The following BCL11B variants were observed in gnomAD, a reference collection of about 807,000 sequenced individuals.
BCL11B encodes B-cell lymphoma/leukemia 11B.
In BCL11B, 8 loss-of-function variants were observed where a neutral mutation model predicts 49.9. The ratio of observed to expected loss-of-function variants is 0.16; its 90% CI spans 0.09 to 0.29. The LOEUF (loss-of-function observed/expected upper bound fraction) is 0.29. Among genes scored for constraint, BCL11B ranks in the 10% least tolerant of loss-of-function variants. BCL11B has a pLI of 1.00. For synonymous variants in BCL11B, 739 were observed against 637.4 expected (o/e 1.16, Z -2.40); for missense variants, 1,006 against 1,351.0 (o/e 0.74, Z 4.00).
intron 3 of BCL11B, among the ~76,000 whole-genome samples, chr14:99,204,735 CGA>C (rs1887486093): frequency 6.6e-6 from 1 of 152,224 alleles, no homozygotes; most frequent in African/African-American, 2.4e-5. Context: ...CCAGACAGAG[CGA>C]GAGCTCGAGC....
intron 3 of BCL11B, among the ~76,000 whole-genome samples, chr14:99,229,148 A>ATGGG (rs1206712866): frequency 1.3e-5 from 2 of 152,036 alleles, no homozygotes; most frequent in African/African-American, 4.8e-5. Flanking sequence ...GGATGGATGG[A>ATGGG]TGGATGGACG....
rs781745569 is a variant in BCL11B, at chr14:99,175,952, G to C, written c.884C>G (p.Thr295Arg). The C allele has an allele frequency of 1.4e-6, 2 of 1,465,256 alleles. No homozygotes were observed. Among genetic ancestry groups the C allele is most frequent in the Non-Finnish European group, 9.0e-7 (1 of 1,108,746 alleles). 90.8% of individuals were successfully genotyped at this position (1,465,256 alleles called of 1,614,324 possible). A position where few individuals can be genotyped will look rare whatever the true frequency, so the allele number is the denominator to read the frequency against. Residue 295 changes from threonine to arginine, a missense_variant, in exon 4 of 4, where the codon ACG becomes AGG. Around this residue, in one of 6 missense-constraint regions of BCL11B, gnomAD observed 411 missense variants for 542.2 expected, o/e 0.76. Transcript: ENST00000357195. ...DSNPFNLLRMTGPILRDHPGF... is the reference protein window; with the variant it reads ...DSNPFNLLRMRGPILRDHPGF... ...CGGGTGGTCCCGCAGGATGGGGCCC[G>C]TCATGCGCAGCAGGTTGAAGGGGTT...
At chr14:99,177,314 G>A (rs1177399804) in intron 3 of BCL11B, among the ~76,000 whole-genome samples, 1 of 151,838 alleles carries the variant, frequency 6.6e-6, no homozygotes, top group African/African-American at 2.4e-5. Flanking sequence ...CTGGTGACAC[G>A]GGCAGCAAAT....
At chr14:99,238,417 C>A (rs1171089168) in intron 2 of BCL11B, among the ~76,000 whole-genome samples, 1 of 152,188 alleles carries the variant, frequency 6.6e-6, no homozygotes, top group Non-Finnish European at 1.5e-5. Flanking sequence ...CCTCAAGATG[C>A]AGGCAGCTGA....
chr14:99,240,037 G>C (rs777515993), intron 2 of BCL11B, among the ~76,000 whole-genome samples: 2 of 152,192 alleles, frequency 1.3e-5, no homozygotes, highest in Non-Finnish European at 2.9e-5. Context: ...TGGATATGAG[G>C]AATGTAAGCA....
Position 99,257,910 on chromosome 14 carries a change from C to G in BCL11B, c.59-71G>C. On this transcript the variant is annotated intron_variant, in intron 1 of 3. Transcript: ENST00000357195. This position sits in a 1 kb window ranked among gnomAD's most constrained non-coding sequence, Gnocchi z 6.2. ...GGGCTTAGGCGGTCACAGCACCCAA[C>G]TTCCGGTCCACCCCTTCCCCGCCAA... The G allele has an allele frequency of 7.0e-7, 1 of 1,425,502 alleles. No homozygotes were observed. The highest frequency in any genetic ancestry group is 9.2e-7 in the Non-Finnish European group (1 of 1,085,690). 88.3% of individuals were successfully genotyped at this position (1,425,502 alleles called of 1,614,324 possible).
At chr14:99,269,041 G>C (rs928722630) in intron 1 of BCL11B, among the ~76,000 whole-genome samples, 2 of 151,742 alleles carry the variant, frequency 1.3e-5, no homozygotes, top group African/African-American at 2.4e-5. Context: ...AGGAGAAGGA[G>C]AGCCAAAGCA....
chr14:99,254,720 G>C (rs1566831537), intron 2 of BCL11B, among the ~76,000 whole-genome samples: 1 of 152,280 alleles, frequency 6.6e-6, no homozygotes, highest in South Asian at 2.1e-4. Context: ...CAGAAGCCTG[G>C]AGGGACAGCC....
At position 99,229,003 on chromosome 14, in the gene BCL11B, A is replaced by ATGG. The variant is rs1555381657; in HGVS notation, c.640+2341_640+2342insCCA. The stretch of plus-strand genomic sequence containing the variant: ...GGATGGATGGATGGCTACATGGATG[A>ATGG]ATGGATGGATGGATGGATGGATGGA... On this transcript the variant is annotated intron_variant, in intron 3 of 3. Coordinates refer to ENST00000357195, the MANE Select transcript of BCL11B (RefSeq NM_138576.4). 2.1e-3 allele frequency among the ~76,000 whole-genome samples: 223 copies of ATGG among 107,638 alleles called. 1 individual carries two copies. Among genetic ancestry groups the ATGG allele is most frequent in the Middle Eastern group, 5.2e-3 (1 of 194 alleles). 70.6% of individuals were successfully genotyped at this position (107,638 alleles called of 152,430 possible).
intron 2 of BCL11B, among the ~76,000 whole-genome samples, chr14:99,237,243 T>TC (rs1566824444): frequency 6.6e-6 from 1 of 151,910 alleles, no homozygotes. Context: ...TTTCTTTTTT[T>TC]TTTTTTTTAG....
chr14:99,221,828 T>C (rs1436626869), intron 3 of BCL11B, among the ~76,000 whole-genome samples: 1 of 152,140 alleles, frequency 6.6e-6, no homozygotes, highest in African/African-American at 2.4e-5. Context: ...TCGCAGTGAG[T>C]TCCTCTAGGG....
intron 3 of BCL11B, among the ~76,000 whole-genome samples, chr14:99,208,954 G>A (rs759295581): frequency 2.0e-5 from 3 of 152,186 alleles, no homozygotes; most frequent in Admixed American, 6.5e-5. Context: ...CCAAGAAGTG[G>A]GAGAGAGAGG....
At position 99,172,399 on chromosome 14, in the gene BCL11B, A is replaced by ATTT; in HGVS notation, c.*1749_*1751dup. On this transcript the variant is annotated 3_prime_UTR_variant, in exon 4 of 4. Transcript: ENST00000357195. ...TTCATATCCTCTATCTTCAACCAGA[A>ATTT]TTTTTTTTTTTTTTACTTAAAGTAA... 1 of 197,232 alleles carries ATTT rather than the reference A, an allele frequency of 5.1e-6. No homozygotes were observed. The allele number at this position is 197,232 out of a possible 1,614,324, so 12.2% of individuals were successfully genotyped here.
chr14:99,170,245 T>G lies in BCL11B; in HGVS notation c.*3906A>C. The G allele has an allele frequency of 4.5e-6, 1 of 221,914 alleles. No homozygotes were observed. The highest frequency in any genetic ancestry group is 2.2e-5 in the African/African-American group (1 of 44,836). 13.7% of individuals were successfully genotyped at this position (221,914 alleles called of 1,614,324 possible). On this transcript the variant is annotated 3_prime_UTR_variant, in exon 4 of 4. Transcript: ENST00000357195. The stretch of plus-strand genomic sequence containing the variant: ...AGGAAACTGAAATCTCAGCTTTCTC[T>G]CCCATTCCCTCCCCCCTTTTTTTTA...
chr14:99,178,101 C>T (rs535535769), intron 3 of BCL11B, among the ~76,000 whole-genome samples: 7 of 152,238 alleles, frequency 4.6e-5, no homozygotes, highest in African/African-American at 1.4e-4. Flanking sequence ...AGGGTGGAGA[C>T]TCCCCCCGCG....
rs369691839 is a variant in BCL11B at position 99,245,241 on chromosome 14, C to CA, written c.427+12229dup. Among the ~76,000 whole-genome samples, 165 of 152,288 alleles carry CA rather than the reference C, an allele frequency of 1.1e-3. 1 individual carries two copies. Among genetic ancestry groups the CA allele is most frequent in the African/African-American group, 3.6e-3 (148 of 41,538 alleles). The stretch of plus-strand genomic sequence containing the variant: ...TCCTAGCAAGGTGACGATTTGCATA[C>CA]AAATTCTTGTTGGAAGAGGTTATCC... On this transcript the variant is annotated intron_variant, in intron 2 of 3. Coordinates refer to ENST00000357195, the MANE Select transcript of BCL11B (RefSeq NM_138576.4).
At chr14:99,255,153 C>T (rs747061043) in intron 2 of BCL11B, among the ~76,000 whole-genome samples, 4 of 152,078 alleles carry the variant, frequency 2.6e-5, no homozygotes, top group Non-Finnish European at 5.9e-5. Context: ...AGAAGGCAGG[C>T]GCATGTGTGC....
At chr14:99,202,590 A>G (rs938698222) in intron 3 of BCL11B, among the ~76,000 whole-genome samples, 1 of 152,170 alleles carries the variant, frequency 6.6e-6, no homozygotes, top group East Asian at 1.9e-4. Context: ...GAGTGCCCTG[A>G]GGACTCATGG....
intron 3 of BCL11B, among the ~76,000 whole-genome samples, chr14:99,196,341 A>G (rs1240436079): frequency 1.3e-5 from 2 of 152,136 alleles, no homozygotes; most frequent in Non-Finnish European, 2.9e-5. Flanking sequence ...ACTGGGGCGC[A>G]GCACCGTGAT....
Sources: allele counts gnomAD v4.1 joint callset (sites outside exome capture counted in the v4.1 genomes callset), GRCh38; gene constraint gnomAD v4.1.1; regional missense constraint gnomAD v4.1.1; non-coding constraint Gnocchi (gnomAD v3.1); transcripts MANE v1.5; gene names NCBI Gene and HGNC (gene_info 2026-07-23, HGNC 2026-07-21).